The following OTUD7A variants were observed in gnomAD, a reference collection of about 807,000 sequenced individuals.
The protein encoded by OTUD7A is OTU domain-containing protein 7A.
A neutral mutation model predicts 65.7 loss-of-function variants in OTUD7A; 12 were observed. The observed-to-expected ratio is 0.18, with a 90% confidence interval of 0.12 to 0.30. The LOEUF (loss-of-function observed/expected upper bound fraction) is 0.30. Ranked by LOEUF, OTUD7A falls within the 10% of genes least tolerant of loss-of-function variation. OTUD7A has a pLI of 1.00. For missense variants in OTUD7A, 1,148 were observed against 1,304.8 expected, an observed-to-expected ratio of 0.88 and a Z score of 1.85; for synonymous variants, 641 against 586.3, an observed-to-expected ratio of 1.09 and a Z score of -1.35.
In OTUD7A at chr15:31,503,739, G is replaced by A. The variant is rs1260177270; in HGVS notation, c.973C>T (p.Pro325Ser). The A allele has an allele frequency of 1.2e-6, 2 of 1,614,034 alleles. No homozygotes were observed. Among genetic ancestry groups the A allele is most frequent in the Non-Finnish European group, 1.7e-6 (2 of 1,180,020 alleles). The change falls in exon 9 of 13, where the codon CCC becomes TCC. Residue 325 changes from proline to serine, a missense_variant. This residue lies in a region of OTUD7A where 58 missense variants were observed against 131.4 expected (regional missense o/e 0.44). Transcript: ENST00000307050. Reference protein sequence around the residue: ...VFVLAHILRRPIVVVADTMLR... With the variant: ...VFVLAHILRRSIVVVADTMLR... ...ATTGTATCTGCCACAACAACGATGG[G>A]CCTTCTTAATATATGGGCTAGGACA...
intron 1 of OTUD7A, among the ~76,000 whole-genome samples, chr15:31,694,424 C>A (rs1430219151): frequency 2.6e-5 from 4 of 152,212 alleles, no homozygotes; most frequent in African/African-American, 4.8e-5. Flanking sequence ...CCCCGGGAAA[C>A]CTTTGCTCAT....
chr15:31,778,828 C>T lies in OTUD7A; in HGVS notation c.-100+91679G>A, dbSNP rs550683979. On this transcript the variant is annotated intron_variant, in intron 1 of 12. Transcript: ENST00000307050. ...TCTCTGCTCTTCCTTTCCCCGCTCC[C>T]AGCCCCATCATCAAGTATAATGTCT... 2.6e-5 allele frequency among the ~76,000 whole-genome samples: 4 copies of T among 152,290 alleles called. No individual in the cohort carries two copies. In the East Asian group the frequency reaches 7.7e-4, roughly 29 times the overall value.
At chr15:31,605,504 C>G (rs955126497) in intron 3 of OTUD7A, among the ~76,000 whole-genome samples, 5 of 152,146 alleles carry the variant, frequency 3.3e-5, no homozygotes, top group Admixed American at 3.3e-4. Flanking sequence ...GGGCCTGCAT[C>G]CTAACTGGGT....
At chr15:31,814,359 C>T (rs150381795) in intron 1 of OTUD7A, among the ~76,000 whole-genome samples, 4 of 152,290 alleles carry the variant, frequency 2.6e-5, no homozygotes, top group Non-Finnish European at 5.9e-5. Flanking sequence ...TCAGCCCAGC[C>T]GAGTGCCCTG....
At chr15:31,574,923 C>G (rs1343028399) in intron 3 of OTUD7A, among the ~76,000 whole-genome samples, 1 of 152,142 alleles carries the variant, frequency 6.6e-6, no homozygotes, top group Non-Finnish European at 1.5e-5. Flanking sequence ...CCACTTTGGG[C>G]CTGCTGGAAT....
In OTUD7A at chr15:31,480,446, G is replaced by C. The variant is rs139440125; in HGVS notation, c.*2848C>G. ...AGTGTGGCCAGATCAGGTGGGGAAGGCTGCTCTCAGGCAGGGTCAGCTAGG... is the reference window on the plus strand; with the variant it reads ...AGTGTGGCCAGATCAGGTGGGGAAGCCTGCTCTCAGGCAGGGTCAGCTAGG... On this transcript the variant is annotated 3_prime_UTR_variant, in exon 13 of 13. Transcript: ENST00000307050. 1.3e-5 allele frequency: 2 copies of C among 152,304 alleles called. No homozygotes were observed. The highest frequency in any genetic ancestry group is 1.3e-4 in the Admixed American group (2 of 15,286). 9.4% of individuals were successfully genotyped at this position (152,304 alleles called of 1,614,324 possible).
At chr15:31,686,809 T>G (rs956717872) in intron 1 of OTUD7A, among the ~76,000 whole-genome samples, 2 of 152,236 alleles carry the variant, frequency 1.3e-5, no homozygotes, top group African/African-American at 2.4e-5. Context: ...GCATGTCATT[T>G]GGATGCAGGA....
At chr15:31,500,127 G>C (rs558260419) in intron 10 of OTUD7A, among the ~76,000 whole-genome samples, 4 of 152,262 alleles carry the variant, frequency 2.6e-5, no homozygotes, top group Non-Finnish European at 5.9e-5. Flanking sequence ...AGAGGGCCCC[G>C]CCCCTGGCCG....
At position 31,699,762 on chromosome 15, in the gene OTUD7A, T is replaced by C. The variant is rs557727106; in HGVS notation, c.-99-42685A>G. Reference sequence around the variant, plus strand: ...AGGCAGGTCCTTGCCTTCATGCTTGTTGCTCTATCACATCCCTTCTTGTCA... The same window carrying C: ...AGGCAGGTCCTTGCCTTCATGCTTGCTGCTCTATCACATCCCTTCTTGTCA... On this transcript the variant is annotated intron_variant, in intron 1 of 12. Coordinates refer to ENST00000307050, the MANE Select transcript of OTUD7A (RefSeq NM_001382637.1). 1.4e-3 allele frequency among the ~76,000 whole-genome samples: 214 copies of C among 152,118 alleles called. 1 individual carries two copies. The highest frequency in any genetic ancestry group is 4.9e-3 in the African/African-American group (204 of 41,504).
chr15:31,659,492 A>C (rs530810083), intron 1 of OTUD7A, among the ~76,000 whole-genome samples: 10 of 152,378 alleles, frequency 6.6e-5, no homozygotes, highest in African/African-American at 2.4e-4. Flanking sequence ...AACACTCAGG[A>C]ATCGACATAA....
At chr15:31,870,180 G>A (rs918633772) in intron 1 of OTUD7A, among the ~76,000 whole-genome samples, 10 of 149,798 alleles carry the variant, frequency 6.7e-5, no homozygotes, top group African/African-American at 2.2e-4. Flanking sequence ...CCAAAGGGCT[G>A]AGCGGAGGCA....
chr15:31,615,932 A>C (rs1468434240), intron 3 of OTUD7A, among the ~76,000 whole-genome samples: 6 of 152,188 alleles, frequency 3.9e-5, no homozygotes, highest in Non-Finnish European at 7.3e-5. Context: ...TGCTCTGAGG[A>C]CATCTCTCCC....
At chr15:31,633,272 C>G (rs918744108) in intron 3 of OTUD7A, among the ~76,000 whole-genome samples, 2 of 152,264 alleles carry the variant, frequency 1.3e-5, no homozygotes, top group Admixed American at 1.3e-4. Flanking sequence ...GCTCCACCCC[C>G]CTGTATTTGT....
At chr15:31,579,201 G>T (rs1566928807) in intron 3 of OTUD7A, among the ~76,000 whole-genome samples, 1 of 152,238 alleles carries the variant, frequency 6.6e-6, no homozygotes, top group Admixed American at 6.5e-5. Context: ...CAGGAAGTTT[G>T]TAAGGGGATT....
intron 3 of OTUD7A, among the ~76,000 whole-genome samples, chr15:31,634,469 C>T (rs534992650): frequency 1.3e-5 from 2 of 152,322 alleles, no homozygotes; most frequent in Admixed American, 1.3e-4. Context: ...ATGTCCCTGC[C>T]AGCAAGCCAC....
chr15:31,622,588 T>G (rs552078528), intron 3 of OTUD7A, among the ~76,000 whole-genome samples: 1 of 152,352 alleles, frequency 6.6e-6, no homozygotes, highest in East Asian at 1.9e-4. Flanking sequence ...CGTCGCGTAG[T>G]TCTCATGCCA....
intron 1 of OTUD7A, among the ~76,000 whole-genome samples, chr15:31,856,270 C>T (rs1897570188): frequency 6.6e-6 from 1 of 152,176 alleles, no homozygotes; most frequent in African/African-American, 2.4e-5. Context: ...CAGACCATTT[C>T]TAGAAAGATG....
intron 3 of OTUD7A, among the ~76,000 whole-genome samples, chr15:31,608,525 A>C (rs1890302923): frequency 6.6e-6 from 1 of 152,220 alleles, no homozygotes; most frequent in Admixed American, 6.5e-5. Flanking sequence ...TAAGCATGGG[A>C]AAGGGGCTTT....
At chr15:31,518,526 T>A (rs1447936210) in intron 8 of OTUD7A, among the ~76,000 whole-genome samples, 1 of 151,808 alleles carries the variant, frequency 6.6e-6, no homozygotes, top group African/African-American at 2.4e-5. Flanking sequence ...TGAATGTGAG[T>A]AAATGCGCAT....
Sources: allele counts gnomAD v4.1 joint callset (sites outside exome capture counted in the v4.1 genomes callset), GRCh38; gene constraint gnomAD v4.1.1; regional missense constraint gnomAD v4.1.1; transcripts MANE v1.5; gene names NCBI Gene and HGNC (gene_info 2026-07-23, HGNC 2026-07-21).